UNC13B: variants seen among roughly 807,000 people sequenced by gnomAD.
UNC13B encodes the protein protein unc-13 homolog B.
UNC13B carries 144 observed loss-of-function variants against 211.0 expected under a neutral mutation model. The ratio of observed to expected loss-of-function variants is 0.68; its 90% CI spans 0.60 to 0.78. UNC13B has a LOEUF of 0.78. UNC13B is among the 30% of genes least tolerant of loss of function. UNC13B has a pLI of 0.00. For missense variants in UNC13B, 1,777 were observed against 2,002.0 expected (o/e 0.89, Z 2.14); for synonymous variants, 709 against 725.8 (o/e 0.98, Z 0.37).
intron 11 of UNC13B, among the ~76,000 whole-genome samples, chr9:35,364,750 C>T (rs1297314771): frequency 6.6e-6 from 1 of 152,122 alleles, no homozygotes; most frequent in African/African-American, 2.4e-5. Context: ...TGTGCATGCT[C>T]CTTGCTTGTG....
intron 6 of UNC13B, among the ~76,000 whole-genome samples, chr9:35,251,328 G>C (rs572908594): frequency 3.1e-4 from 47 of 151,796 alleles, no homozygotes; most frequent in Non-Finnish European, 6.3e-4. Context: ...GCTCATGCCA[G>C]TAATCCCAGC....
At chr9:35,234,293 T>A (rs576600333) in intron 3 of UNC13B, among the ~76,000 whole-genome samples, 5 of 152,038 alleles carry the variant, frequency 3.3e-5, no homozygotes, top group African/African-American at 7.2e-5. Context: ...TTAAAAAAAA[T>A]TTTTCTGGGA....
chr9:35,232,992 A>T (rs1183943885), intron 3 of UNC13B, among the ~76,000 whole-genome samples: 1 of 152,144 alleles, frequency 6.6e-6, no homozygotes, highest in Non-Finnish European at 1.5e-5. Context: ...AAAGAGAAGG[A>T]GGCCAATGGT....
At chr9:35,309,305 T>C (rs1032776199) in intron 9 of UNC13B, among the ~76,000 whole-genome samples, 2 of 151,740 alleles carry the variant, frequency 1.3e-5, no homozygotes, top group Admixed American at 1.3e-4. Context: ...GTTGAACTAC[T>C]CAGAACAGTG....
chr9:35,298,771 A>C (rs1829525048), intron 8 of UNC13B, among the ~76,000 whole-genome samples: 1 of 152,194 alleles, frequency 6.6e-6, no homozygotes. Context: ...TGGTACACAG[A>C]AGAAGGCAGT....
chr9:35,300,637 G>T lies in UNC13B; in HGVS notation c.1233G>T (p.Glu411Asp), dbSNP rs968109213. 7 of 398,830 alleles carry T rather than the reference G, an allele frequency of 1.8e-5. No individual in the cohort carries two copies. The highest frequency in any genetic ancestry group is 4.4e-6 in the Non-Finnish European group (1 of 226,014). 24.7% of individuals were successfully genotyped at this position (398,830 alleles called of 1,614,324 possible). The change falls in exon 9 of 40, where the codon GAG (glutamate) becomes GAT (aspartate). Residue 411 changes from glutamate to aspartate, a missense_variant. Physicochemically the swap from Glu to Asp is conservative, Grantham distance 45. Transcript: ENST00000635942. ...TCCACCATATTGGAGATTTTCCTGAGGAATATTATGTAGCAAATTCAGCAT... is the reference window on the plus strand; with the variant it reads ...TCCACCATATTGGAGATTTTCCTGATGAATATTATGTAGCAAATTCAGCAT... ...SNVHHIGDFPEEYYVANSALP... is the reference protein window; with the variant it reads ...SNVHHIGDFPDEYYVANSALP...
At chr9:35,387,315 A>G (rs1268446262) in intron 24 of UNC13B, among the ~76,000 whole-genome samples, 1 of 152,182 alleles carries the variant, frequency 6.6e-6, no homozygotes. Flanking sequence ...ATTTATCTTT[A>G]AGTAACTACA....
At position 35,306,374 on chromosome 9, in the gene UNC13B, A is replaced by G; in HGVS notation, c.6970A>G (p.Met2324Val). 5.0e-6 allele frequency: 2 copies of G among 399,048 alleles called. No homozygotes were observed. The highest frequency in any genetic ancestry group is 7.1e-5 in the East Asian group (2 of 28,082). 24.7% of individuals were successfully genotyped at this position (399,048 alleles called of 1,614,324 possible). The part of the protein sequence containing the change: ...IVPGTSVDFQ[M>V]NELQKDIIPP... ...ACCAGGGACATCAGTGGATTTCCAG[A>G]TGAATGAATTGCAAAAAGACATTAT... Residue 2324 changes from methionine to valine, a missense_variant, in exon 9 of 40, where the codon ATG becomes GTG. Transcript: ENST00000635942.
chr9:35,187,558 G>A (rs1292581547), intron 1 of UNC13B, among the ~76,000 whole-genome samples: 3 of 152,164 alleles, frequency 2.0e-5, no homozygotes, highest in Non-Finnish European at 1.5e-5. Flanking sequence ...TGTGTTGTTT[G>A]TATAATAAAC....
At chr9:35,181,956 C>T (rs1821962608) in intron 1 of UNC13B, among the ~76,000 whole-genome samples, 1 of 152,178 alleles carries the variant, frequency 6.6e-6, no homozygotes. Context: ...ACTCCATCTC[C>T]TGTGTGGATG....
In UNC13B at chr9:35,162,218, C is replaced by T. The variant is rs572791620; in HGVS notation, c.-66C>T. Reference sequence around the variant, plus strand: ...GTAACGAGAGCAGTCGCGGCACCTGCTGAGAGGAAAGAGGGAGCGGTCCGG... The same window carrying T: ...GTAACGAGAGCAGTCGCGGCACCTGTTGAGAGGAAAGAGGGAGCGGTCCGG... On this transcript the variant is annotated 5_prime_UTR_variant, in exon 1 of 40. Transcript: ENST00000635942. 4.5e-6 allele frequency: 7 copies of T among 1,541,308 alleles called. No individual in the cohort carries two copies. Among genetic ancestry groups the T allele is most frequent in the East Asian group, 2.4e-5 (1 of 40,864 alleles).
At chr9:35,184,506 G>C (rs1429629807) in intron 1 of UNC13B, among the ~76,000 whole-genome samples, 2 of 152,202 alleles carry the variant, frequency 1.3e-5, no homozygotes, top group Non-Finnish European at 2.9e-5. Context: ...TCAGGAGTGG[G>C]AGACCAGCCC....
intron 12 of UNC13B, among the ~76,000 whole-genome samples, chr9:35,367,466 G>T (rs1833846127): frequency 6.6e-6 from 1 of 152,036 alleles, no homozygotes; most frequent in Non-Finnish European, 1.5e-5. Flanking sequence ...GGTAAATGGG[G>T]TATCCATCAC....
chr9:35,272,359 G>A (rs1827941740), intron 7 of UNC13B, among the ~76,000 whole-genome samples: 1 of 150,892 alleles, frequency 6.6e-6, no homozygotes, highest in Non-Finnish European at 1.5e-5. Context: ...CTAGGTTCAA[G>A]CAATTCTCCT....
chr9:35,353,852 G>A (rs1240190308), intron 11 of UNC13B: 9 of 1,194,616 alleles, frequency 7.5e-6, no homozygotes, highest in Non-Finnish European at 9.4e-6. Context: ...GCTGGCTAAA[G>A]TATGACCTCC....
chr9:35,380,391 T>A, intron 17 of UNC13B, 79 bp from the exon 18 acceptor site: 1 of 1,496,854 alleles, frequency 6.7e-7, no homozygotes, highest in Non-Finnish European at 9.1e-7. Flanking sequence ...CTGTCGGAGC[T>A]TTTGGGAGGG....
intron 22 of UNC13B, 98 bp from the exon 23 acceptor site, chr9:35,385,626 T>C: frequency 6.8e-7 from 1 of 1,460,604 alleles, no homozygotes; most frequent in Non-Finnish European, 9.1e-7. Context: ...AAAAACCCAG[T>C]AGGTAACAAT....
At chr9:35,364,466 A>G (rs1465180321) in intron 11 of UNC13B, 12 of 1,481,510 alleles carry the variant, frequency 8.1e-6, no homozygotes, top group African/African-American at 1.4e-5. Flanking sequence ...TTTAGCTGGC[A>G]TTTTCTTTGG....
At position 35,376,196 on chromosome 9, in the gene UNC13B, G is replaced by A. The variant is rs376050341; in HGVS notation, c.9784G>A (p.Val3262Ile). The A allele has an allele frequency of 1.1e-5, 17 of 1,614,026 alleles. No homozygotes were observed. Among genetic ancestry groups the A allele is most frequent in the Non-Finnish European group, 1.4e-5 (16 of 1,180,034 alleles). The change falls in exon 15 of 40, where the codon GTC (valine) becomes ATC (isoleucine). Residue 3262 changes from valine (V) to isoleucine (I), a missense_variant. Physicochemically the swap from Val to Ile is conservative, Grantham distance 29. Coordinates refer to ENST00000635942, the MANE Select transcript of UNC13B (RefSeq NM_001371189.2). ...RQGMRCSECG[V>I]KCHEKCQDLL... ...GGGCATGCGCTGCAGCGAATGTGGA[G>A]TCAAGTGCCATGAGAAGTGCCAGGA...
Sources: gnomAD v4.1 joint callset for allele counts (sites outside exome capture counted in the v4.1 genomes callset) on GRCh38, gnomAD v4.1.1 for gene constraint, MANE v1.5 for transcripts, NCBI Gene and HGNC (gene_info 2026-07-23, HGNC 2026-07-21) for gene names.